The following PPP2R2A variants were observed in gnomAD, a reference collection of about 807,000 sequenced individuals.
PPP2R2A encodes the protein protein phosphatase 2 regulatory subunit Balpha, also known as serine/threonine-protein phosphatase 2A 55 kDa regulatory subunit B alpha isoform.
In PPP2R2A, 9 loss-of-function variants were observed where a neutral mutation model predicts 53.2. The observed-to-expected ratio is 0.17, with a 90% CI of 0.10 to 0.30. The LOEUF is 0.30. PPP2R2A is among the 10% of genes least tolerant of loss of function. PPP2R2A has a pLI of 1.00. For missense variants in PPP2R2A, 235 were observed against 534.6 expected (o/e 0.44, Z 5.53); for synonymous variants, 169 against 174.2 (o/e 0.97, Z 0.23).
At position 26,293,710 on chromosome 8, in the gene PPP2R2A, A is replaced by G. The variant is rs780561235; in HGVS notation, c.52A>G (p.Lys18Glu). ...NDIQWCFSQVKGAVDDDVAEA... is the reference protein window; with the variant it reads ...NDIQWCFSQVEGAVDDDVAEA... ...TATTCAGTGGTGTTTTTCTCAGGTG[A>G]AAGGAGCAGTAGATGATGATGTAGC... is the stretch of plus-strand genomic sequence containing the variant. Residue 18 changes from lysine (K) to glutamate (E), a missense_variant, in exon 2 of 10, where the codon AAA becomes GAA. Lys to Glu is a moderately conservative substitution (Grantham distance 56, BLOSUM62 1). This residue lies in a region of PPP2R2A where 51 missense variants were observed against 80.6 expected (regional missense o/e 0.63). Coordinates refer to ENST00000380737, the MANE Select transcript of PPP2R2A (RefSeq NM_002717.4). 1 of 1,613,680 alleles carries G rather than the reference A, an allele frequency of 6.2e-7. No individual in the cohort carries two copies. The highest frequency in any genetic ancestry group is 8.5e-7 in the Non-Finnish European group (1 of 1,179,786).
At chr8:26,353,499 C>A (rs1804621755) in intron 3 of PPP2R2A, among the ~76,000 whole-genome samples, 1 of 152,184 alleles carries the variant, frequency 6.6e-6, no homozygotes. Context: ...CTCACTTTTA[C>A]TTAAAATAGT....
At chr8:26,299,323 T>C (rs1801680206) in intron 2 of PPP2R2A, among the ~76,000 whole-genome samples, 1 of 152,144 alleles carries the variant, frequency 6.6e-6, no homozygotes, top group Non-Finnish European at 1.5e-5. Context: ...TTAATGTAGA[T>C]TTTTCATTGT....
At chr8:26,330,307 CTT>C (rs11351968) in intron 2 of PPP2R2A, among the ~76,000 whole-genome samples, 73 of 129,894 alleles carry the variant, frequency 5.6e-4, no homozygotes, top group Admixed American at 7.0e-4. Context: ...ATTCTTTTTT[CTT>C]TTTTTTTTTT....
chr8:26,358,523 TTC>T (rs1276214797), intron 4 of PPP2R2A, among the ~76,000 whole-genome samples: 1 of 152,190 alleles, frequency 6.6e-6, no homozygotes, highest in Non-Finnish European at 1.5e-5. Flanking sequence ...TTAGCAGTTT[TTC>T]TCTGTTTACA....
At chr8:26,324,545 AG>A (rs1303599468) in intron 2 of PPP2R2A, among the ~76,000 whole-genome samples, 2 of 152,216 alleles carry the variant, frequency 1.3e-5, no homozygotes, top group Non-Finnish European at 1.5e-5. Context: ...AGTCTGCTGC[AG>A]GGGCAGGGCC....
Position 26,292,204 on chromosome 8 carries a change from G to T in PPP2R2A, c.7+378G>T, listed in dbSNP as rs1801332293. On this transcript the variant is annotated intron_variant, in intron 1 of 9. Transcript: ENST00000380737. ...CCGCCTTTATTTTTTTTTCCTGCAGGTCTTCATTTAATTTCTATTTTTCCC... is the reference window on the plus strand; with the variant it reads ...CCGCCTTTATTTTTTTTTCCTGCAGTTCTTCATTTAATTTCTATTTTTCCC... 19 of 1,108,642 alleles carry T rather than the reference G, an allele frequency of 1.7e-5. No homozygotes were observed. In the South Asian group the frequency reaches 4.7e-4, roughly 28 times the overall value. The allele number at this position is 1,108,642 out of a possible 1,614,324, so 68.7% of individuals were successfully genotyped here.
chr8:26,325,603 A>G (rs1026142160), intron 2 of PPP2R2A, among the ~76,000 whole-genome samples: 1 of 152,182 alleles, frequency 6.6e-6, no homozygotes, highest in Non-Finnish European at 1.5e-5. Context: ...AAGTACCTGA[A>G]CATTATTCTT....
chr8:26,293,140 G>A (rs1365446475), intron 1 of PPP2R2A: 1 of 1,178,884 alleles, frequency 8.5e-7, no homozygotes, highest in Non-Finnish European at 1.2e-6. Flanking sequence ...TCTGTCTGGA[G>A]CCAGTGATTT....
chr8:26,354,580 A>G lies in PPP2R2A; in HGVS notation c.293A>G (p.Lys98Arg), dbSNP rs1395050785. The G allele has an allele frequency of 2.5e-6, 4 of 1,611,294 alleles. No homozygotes were observed. Among genetic ancestry groups the G allele is most frequent in the Non-Finnish European group, 3.4e-6 (4 of 1,178,342 alleles). The change falls in exon 4 of 10, where the codon AAA becomes AGA. Residue 98 changes from lysine to arginine, a missense_variant. Around this residue, in one of 3 missense-constraint regions of PPP2R2A, gnomAD observed 3 missense variants for 44.1 expected, o/e 0.07. Coordinates refer to ENST00000380737, the MANE Select transcript of PPP2R2A (RefSeq NM_002717.4). The surrounding 1 kb of genome is among the most constrained non-coding windows in gnomAD (Gnocchi z 4.6). ...KSLEIEEKIN[K>R]IRWLPQKNAA... ...TTAGAAATAGAAGAAAAGATCAACA[A>G]AATTAGGTGGTTACCCCAGAAAAAT...
chr8:26,370,268 G>T lies in PPP2R2A; in HGVS notation c.1199G>T (p.Ser400Ile). 2.2e-5 allele frequency: 35 copies of T among 1,614,172 alleles called. No individual in the cohort carries two copies. Among genetic ancestry groups the T allele is most frequent in the Non-Finnish European group, 2.7e-5 (32 of 1,180,022 alleles). Residue 400 changes from serine to isoleucine, a missense_variant, in exon 10 of 10, where the codon AGT becomes ATT. Physicochemically the swap from Ser to Ile is moderately radical, Grantham distance 142. Coordinates refer to ENST00000380737, the MANE Select transcript of PPP2R2A (RefSeq NM_002717.4). The surrounding 1 kb of genome is among the most constrained non-coding windows in gnomAD (Gnocchi z 6.1). ...TVLKPRKVCA[S>I]GKRKKDEISV... is the part of the protein sequence containing the mutation. Reference sequence around the variant, plus strand: ...CTGAAGCCTCGCAAAGTCTGTGCAAGTGGCAAGCGAAAGAAAGATGAAATA... The same window carrying T: ...CTGAAGCCTCGCAAAGTCTGTGCAATTGGCAAGCGAAAGAAAGATGAAATA...
intron 2 of PPP2R2A, among the ~76,000 whole-genome samples, chr8:26,302,451 G>A (rs1455390346): frequency 6.6e-6 from 1 of 152,098 alleles, no homozygotes; most frequent in Non-Finnish European, 1.5e-5. Flanking sequence ...AGTCTTTTAC[G>A]GGTGACCGAT....
intron 2 of PPP2R2A, among the ~76,000 whole-genome samples, chr8:26,308,016 G>A (rs1277107876): frequency 1.3e-5 from 2 of 152,206 alleles, no homozygotes; most frequent in Non-Finnish European, 2.9e-5. Flanking sequence ...TTGCAATAAG[G>A]TGAGTCACAA....
chr8:26,368,537 T>A (rs6557916), intron 9 of PPP2R2A, among the ~76,000 whole-genome samples: 98,003 of 152,098 alleles, frequency 0.64, 31,959 homozygotes, highest in East Asian at 0.86. Flanking sequence ...ACTGATACTT[T>A]TATAAATATT....
In PPP2R2A at chr8:26,370,872, TTCC is replaced by T. The variant is rs375142927; in HGVS notation, c.*465_*467del. 62 of 165,374 alleles carry T rather than the reference TTCC, an allele frequency of 3.7e-4. No homozygotes were observed. The highest frequency in any genetic ancestry group is 1.1e-3 in the Admixed American group (19 of 17,460). The allele number at this position is 165,374 out of a possible 1,614,324, so 10.2% of individuals were successfully genotyped here. A position where few individuals can be genotyped will look rare whatever the true frequency, so the allele number is the denominator to read the frequency against. Reference sequence around the variant, plus strand: ...CTCATTCTTACTGTGGCTTGTAGCATTCCTCCTCTTCTGGCCTCCTGGACTGCT... The same window carrying T: ...CTCATTCTTACTGTGGCTTGTAGCATTCCTCTTCTGGCCTCCTGGACTGCT... On this transcript the variant is annotated 3_prime_UTR_variant, in exon 10 of 10. Coordinates refer to ENST00000380737, the MANE Select transcript of PPP2R2A (RefSeq NM_002717.4). The surrounding 1 kb of genome is among the most constrained non-coding windows in gnomAD (Gnocchi z 6.1).
chr8:26,311,014 A>G (rs1802266584), intron 2 of PPP2R2A, among the ~76,000 whole-genome samples: 1 of 152,200 alleles, frequency 6.6e-6, no homozygotes, highest in African/African-American at 2.4e-5. Flanking sequence ...CATGGGAAAG[A>G]CTTCCTAAAT....
chr8:26,313,004 C>A (rs1025123219), intron 2 of PPP2R2A, among the ~76,000 whole-genome samples: 1 of 151,320 alleles, frequency 6.6e-6, no homozygotes, highest in Admixed American at 6.6e-5. Context: ...ACTCTTTTAG[C>A]TATTTCTTCT....
At chr8:26,300,957 A>G (rs953296418) in intron 2 of PPP2R2A, among the ~76,000 whole-genome samples, 4 of 152,224 alleles carry the variant, frequency 2.6e-5, no homozygotes, top group Admixed American at 1.3e-4. Flanking sequence ...TTGAGTACCT[A>G]CATTTTTTGA....
chr8:26,344,643 G>A (rs1408649685), intron 3 of PPP2R2A, among the ~76,000 whole-genome samples: 1 of 152,118 alleles, frequency 6.6e-6, no homozygotes, highest in Non-Finnish European at 1.5e-5. Flanking sequence ...CAGCCTTTTA[G>A]CGTCCAGATT....
chr8:26,351,138 G>A (rs1365755234), intron 3 of PPP2R2A, among the ~76,000 whole-genome samples: 3 of 151,742 alleles, frequency 2.0e-5, no homozygotes, highest in Non-Finnish European at 4.4e-5. Context: ...TTTTCTTAGG[G>A]TTACTGGTTT....
Sources: gnomAD v4.1 joint callset for allele counts (sites outside exome capture counted in the v4.1 genomes callset) on GRCh38, gnomAD v4.1.1 for gene constraint, gnomAD v4.1.1 regional missense constraint, Gnocchi (gnomAD v3.1) non-coding constraint, MANE v1.5 for transcripts, NCBI Gene and HGNC (gene_info 2026-07-23, HGNC 2026-07-21) for gene names.